LAMA2: variants seen among roughly 807,000 people sequenced by gnomAD.
LAMA2 encodes laminin subunit alpha 2.
Under a neutral mutation model 364.8 loss-of-function variants are expected in LAMA2, and 269 were observed. The ratio of observed to expected loss-of-function variants is 0.74; its 90% CI spans 0.67 to 0.82. The LOEUF is 0.82. Ranked by LOEUF, LAMA2 falls within the 40% of genes least tolerant of loss-of-function variation. The pLI, the probability that LAMA2 is intolerant of heterozygous loss-of-function variation, is 0.00. For missense variants in LAMA2, 3,807 were observed against 3,873.2 expected, an observed-to-expected ratio of 0.98 and a Z score of 0.45; for synonymous variants, 1,379 against 1,370.6, an observed-to-expected ratio of 1.01 and a Z score of -0.14.
chr6:129,172,668 A>G lies in LAMA2; in HGVS notation c.1307-5038A>G, dbSNP rs554049162. Among the ~76,000 whole-genome samples, 22 of 152,346 alleles carry G rather than the reference A, an allele frequency of 1.4e-4. 1 individual carries two copies. Among genetic ancestry groups the G allele is most frequent in the Middle Eastern group, 3.4e-3 (1 of 294 alleles). On this transcript the variant is annotated intron_variant, in intron 9 of 64. Transcript: ENST00000421865. ...CCCCAGAGGTGGAGCCTACAGAGGC[A>G]GGCAGGCCTCCTTGAGCTGTGGTGG...
Position 129,315,811 on chromosome 6 carries a change from G to A in LAMA2, c.3785G>A (p.Arg1262Gln), listed in dbSNP as rs148597169. The change falls in exon 26 of 65, where the codon CGG becomes CAG. Residue 1262 changes from arginine (R) to glutamine (Q), a missense_variant. Transcript: ENST00000421865. ...AAGTATGCAATCTATTTCGAGGCTC[G>A]GGAAGAAACAGGTTTCTCTACATAT... ...KLKYAIYFEA[R>Q]EETGFSTYNP... is the part of the protein sequence containing the mutation. The A allele has an allele frequency of 2.4e-5, 39 of 1,613,910 alleles. No homozygotes were observed. Among genetic ancestry groups the A allele is most frequent in the Non-Finnish European group, 3.2e-5 (38 of 1,180,014 alleles).
chr6:129,121,230 C>T (rs1203775444), intron 4 of LAMA2, among the ~76,000 whole-genome samples: 1 of 152,120 alleles, frequency 6.6e-6, no homozygotes, highest in African/African-American at 2.4e-5. Context: ...CATCACTGTG[C>T]TTGTTCCGTT....
intron 1 of LAMA2, among the ~76,000 whole-genome samples, chr6:128,935,854 T>A (rs1779781208): frequency 6.6e-6 from 1 of 152,200 alleles, no homozygotes; most frequent in Non-Finnish European, 1.5e-5. Flanking sequence ...ACTGGGCACC[T>A]GATAAGGTTA....
intron 62 of LAMA2, among the ~76,000 whole-genome samples, chr6:129,507,959 T>C (rs1786238858): frequency 6.7e-6 from 1 of 149,772 alleles, no homozygotes; most frequent in Non-Finnish European, 1.5e-5. Flanking sequence ...TTTTTCTACC[T>C]TCCAGTTTCT....
At chr6:129,363,196 C>T (rs1167732708) in intron 32 of LAMA2, among the ~76,000 whole-genome samples, 1 of 151,902 alleles carries the variant, frequency 6.6e-6, no homozygotes, top group Non-Finnish European at 1.5e-5. Context: ...CTCAACCACT[C>T]GGGAGGCTGA....
At chr6:128,894,190 T>C (rs573001304) in intron 1 of LAMA2, among the ~76,000 whole-genome samples, 2 of 152,164 alleles carry the variant, frequency 1.3e-5, no homozygotes, top group African/African-American at 4.8e-5. Context: ...ATCTTACACC[T>C]GGAAAGAATT....
chr6:129,157,733 A>G, intron 8 of LAMA2: 1 of 1,612,028 alleles, frequency 6.2e-7, no homozygotes, highest in Non-Finnish European at 8.5e-7. Context: ...ATGACGGATC[A>G]CTCGGTACCA....
At chr6:129,478,860 CACTT>C in intron 54 of LAMA2, 47 bp downstream of exon 54, 3 of 1,556,948 alleles carry the variant, frequency 1.9e-6, no homozygotes, top group East Asian at 2.2e-5. Context: ...TATCAGATTT[CACTT>C]ACTTAGTGTG....
chr6:129,219,026 G>A (rs973052012), intron 12 of LAMA2, among the ~76,000 whole-genome samples: 4 of 152,054 alleles, frequency 2.6e-5, no homozygotes, highest in African/African-American at 9.7e-5. Context: ...GTTTGTATAA[G>A]TTTGAGTTAA....
intron 12 of LAMA2, among the ~76,000 whole-genome samples, chr6:129,208,562 AAGAG>A (rs757804708): frequency 1.3e-4 from 10 of 79,062 alleles, no homozygotes; most frequent in African/African-American, 2.0e-4. Context: ...GAAAGAAAGA[AAGAG>A]AAAGAAAGAG....
chr6:129,259,063 A>G (rs1786921642), intron 14 of LAMA2, among the ~76,000 whole-genome samples: 1 of 152,072 alleles, frequency 6.6e-6, no homozygotes, highest in Admixed American at 6.6e-5. Context: ...ATATCTGGTG[A>G]TTTCAGGGTT....
intron 39 of LAMA2, 25 bp from the exon 40 acceptor site, chr6:129,403,796 T>TACTG (rs201674034): frequency 1.2e-6 from 2 of 1,607,044 alleles, no homozygotes; most frequent in Non-Finnish European, 8.5e-7. Flanking sequence ...TGCCCTGACA[T>TACTG]TCCTTTTTTG....
chr6:128,957,231 T>C lies in LAMA2; in HGVS notation c.112+73874T>C, dbSNP rs1047585952. ...TGGTTGTATATAAAGGTATTTGGACTCCAGTACTATTCTATTTTTATTTTG... is the reference window on the plus strand; with the variant it reads ...TGGTTGTATATAAAGGTATTTGGACCCCAGTACTATTCTATTTTTATTTTG... On this transcript the variant is annotated intron_variant, in intron 1 of 64. Transcript: ENST00000421865. Among the ~76,000 whole-genome samples, 2 of 152,142 alleles carry C rather than the reference T, an allele frequency of 1.3e-5. 1 individual carries two copies. The highest frequency in any genetic ancestry group is 4.1e-4 in the South Asian group (2 of 4,828).
chr6:129,173,053 C>G (rs1395148657), intron 9 of LAMA2, among the ~76,000 whole-genome samples: 2 of 152,214 alleles, frequency 1.3e-5, no homozygotes, highest in African/African-American at 2.4e-5. Context: ...CGCGCACCCA[C>G]TGACCTGCGC....
intron 10 of LAMA2, among the ~76,000 whole-genome samples, chr6:129,180,890 G>A (rs1419554971): frequency 1.3e-5 from 2 of 152,034 alleles, no homozygotes; most frequent in Non-Finnish European, 2.9e-5. Context: ...AAAGTTTGGA[G>A]TTTTAATGCC....
chr6:128,962,695 G>C (rs1420108430), intron 1 of LAMA2, among the ~76,000 whole-genome samples: 2 of 152,168 alleles, frequency 1.3e-5, no homozygotes, highest in Non-Finnish European at 2.9e-5. Context: ...CCAAGGCTTT[G>C]ACATCCATAT....
At chr6:129,383,580 C>G (rs765779810) in intron 35 of LAMA2, among the ~76,000 whole-genome samples, 2 of 152,182 alleles carry the variant, frequency 1.3e-5, no homozygotes, top group African/African-American at 2.4e-5. Context: ...AAGCTAATGT[C>G]ATCATTCCAC....
At chr6:129,430,582 T>A (rs1781539809) in intron 41 of LAMA2, among the ~76,000 whole-genome samples, 1 of 152,248 alleles carries the variant, frequency 6.6e-6, no homozygotes, top group Admixed American at 6.5e-5. Flanking sequence ...TGTTGATGGA[T>A]ATGAGGCTTG....
At chr6:128,997,349 A>AGAAC (rs1784028880) in intron 1 of LAMA2, among the ~76,000 whole-genome samples, 1 of 103,806 alleles carries the variant, frequency 9.6e-6, no homozygotes, top group Non-Finnish European at 2.1e-5. Context: ...AAAGAAAGAA[A>AGAAC]GAAAGAACGA....
Sources: gnomAD v4.1 joint callset for allele counts (sites outside exome capture counted in the v4.1 genomes callset) on GRCh38, gnomAD v4.1.1 for gene constraint, MANE v1.5 for transcripts, NCBI Gene and HGNC (gene_info 2026-07-23, HGNC 2026-07-21) for gene names.